Variants in CASZ1 observed in about 807,000 individuals in gnomAD.
The protein encoded by CASZ1 is castor zinc finger 1.
A neutral mutation model predicts 135.2 loss-of-function variants in CASZ1; 28 were observed. That is an observed-to-expected ratio of 0.21 (90% CI 0.15 to 0.28). The LOEUF (loss-of-function observed/expected upper bound fraction) is 0.28. Ranked by LOEUF, CASZ1 falls within the 10% of genes least tolerant of loss-of-function variation. The probability of loss-of-function intolerance (pLI) is 1.00; values close to 1 mark genes in which losing one functional copy is unlikely to be tolerated. For missense variants in CASZ1, 2,161 were observed against 2,453.3 expected, an observed-to-expected ratio of 0.88 and a Z score of 2.52; for synonymous variants, 1,068 against 1,073.4, an observed-to-expected ratio of 0.99 and a Z score of 0.10.
At chr1:10,654,277 C>G in intron 10 of CASZ1, 59 bp from the exon 11 acceptor site, 1 of 1,593,952 alleles carries the variant, frequency 6.3e-7, no homozygotes, top group South Asian at 1.1e-5. Context: ...CCTGCTACAC[C>G]ATGGCCCTGG....
At chr1:10,731,731 G>A (rs1208457620) in intron 2 of CASZ1, among the ~76,000 whole-genome samples, 1 of 152,108 alleles carries the variant, frequency 6.6e-6, no homozygotes, top group African/African-American at 2.4e-5. Flanking sequence ...GTCTGCAAAG[G>A]CCCTTGAGAT....
intron 2 of CASZ1, among the ~76,000 whole-genome samples, chr1:10,734,458 A>G (rs78892809): frequency 7.6e-4 from 115 of 152,300 alleles, no homozygotes; most frequent in African/African-American, 2.6e-3. Flanking sequence ...AATAGACTCA[A>G]CAATAAATGG....
intron 4 of CASZ1, among the ~76,000 whole-genome samples, chr1:10,688,144 TG>T (rs538043236): frequency 3.9e-5 from 6 of 152,260 alleles, no homozygotes; most frequent in African/African-American, 1.4e-4. Context: ...GGAGCAGCCG[TG>T]GCAGAGGAAA....
chr1:10,742,086 A>C (rs1639935184), intron 2 of CASZ1, among the ~76,000 whole-genome samples: 1 of 152,158 alleles, frequency 6.6e-6, no homozygotes, highest in Non-Finnish European at 1.5e-5. Flanking sequence ...GCTGCAAGTC[A>C]ATACCTCACC....
intron 20 of CASZ1, 73 bp from the exon 21 acceptor site, chr1:10,640,132 G>T: frequency 6.5e-7 from 1 of 1,527,066 alleles, no homozygotes; most frequent in Non-Finnish European, 8.8e-7. Context: ...ACACCCACAT[G>T]GGACCCCTGA....
Position 10,642,860 on chromosome 1 carries a change from T to G in CASZ1, c.4161A>C (p.Ala1387=). The G allele has an allele frequency of 6.2e-7, 1 of 1,612,298 alleles. No homozygotes were observed. Among genetic ancestry groups the G allele is most frequent in the Non-Finnish European group, 8.5e-7 (1 of 1,179,582 alleles). Reference sequence around the variant, plus strand: ...CAGCAGCCCCTGCCTGCCGCTCACCTGCCGCGGTGCTCTCGTTACCCACGG... The same window carrying G: ...CAGCAGCCCCTGCCTGCCGCTCACCGGCCGCGGTGCTCTCGTTACCCACGG... The part of the protein sequence containing the change: ...STPVGNESTA[A]GNTISMPTAS... The change falls in exon 20 of 21, where the codon GCA becomes GCC. Residue 1387 remains alanine (A), a splice_region_variant and synonymous_variant. Transcript: ENST00000377022.
intron 1 of CASZ1, among the ~76,000 whole-genome samples, chr1:10,775,200 G>A (rs1207791122): frequency 6.6e-6 from 1 of 152,120 alleles, no homozygotes; most frequent in Non-Finnish European, 1.5e-5. Context: ...GGCCATTGCT[G>A]CCGATAATTT....
chr1:10,669,452 T>C (rs943081069), intron 4 of CASZ1, among the ~76,000 whole-genome samples: 2 of 152,230 alleles, frequency 1.3e-5, no homozygotes, highest in Non-Finnish European at 2.9e-5. Context: ...TTTATAAATA[T>C]TCAAATCAGC....
At chr1:10,744,118 G>T (rs539575930) in intron 2 of CASZ1, among the ~76,000 whole-genome samples, 7 of 146,194 alleles carry the variant, frequency 4.8e-5, no homozygotes, top group Admixed American at 6.8e-5. Context: ...CTCCCACCCC[G>T]ACCCTGCCCC....
rs1302364859 is a variant in CASZ1, at chr1:10,676,489, C to T, written c.17-10918G>A. Among the ~76,000 whole-genome samples, 4 of 152,162 alleles carry T rather than the reference C, an allele frequency of 2.6e-5. No individual in the cohort carries two copies. Among genetic ancestry groups the T allele is most frequent in the African/African-American group, 9.7e-5 (4 of 41,436 alleles). ...CCAGGACAAAGAAGACACCAAGAGC[C>T]CCCGGGGAGGCCTCTCCACCATCCT... On this transcript the variant is annotated intron_variant, in intron 4 of 20. Transcript: ENST00000377022. This position sits in a 1 kb window ranked among gnomAD's most constrained non-coding sequence, Gnocchi z 4.5.
At position 10,727,503 on chromosome 1, in the gene CASZ1, C is replaced by T. The variant is rs1000065352; in HGVS notation, c.-76-21959G>A. Among the ~76,000 whole-genome samples the T allele has an allele frequency of 2.6e-5, 4 of 152,154 alleles. No homozygotes were observed. Among genetic ancestry groups the T allele is most frequent in the African/African-American group, 9.7e-5 (4 of 41,442 alleles). ...GCCCAACAGTGCCCCAGTGCCCACCCTCTGAAAGTTGGGAAGCTTTTACGG... is the reference window on the plus strand; with the variant it reads ...GCCCAACAGTGCCCCAGTGCCCACCTTCTGAAAGTTGGGAAGCTTTTACGG... On this transcript the variant is annotated intron_variant, in intron 2 of 20. Transcript: ENST00000377022. The surrounding 1 kb of genome is among the most constrained non-coding windows in gnomAD (Gnocchi z 5.3).
At chr1:10,765,475 A>G (rs1319557657) in intron 1 of CASZ1, among the ~76,000 whole-genome samples, 2 of 151,956 alleles carry the variant, frequency 1.3e-5, no homozygotes, top group African/African-American at 4.8e-5. Flanking sequence ...TTTTCGCTGC[A>G]TTTTTCATCT....
rs1433991237 is a variant in CASZ1, at chr1:10,638,459, C to T, written c.*483G>A. 2 of 152,168 alleles carry T rather than the reference C, an allele frequency of 1.3e-5. No individual in the cohort carries two copies. Among genetic ancestry groups the T allele is most frequent in the African/African-American group, 4.8e-5 (2 of 41,438 alleles). The allele number at this position is 152,168 out of a possible 1,614,324, so 9.4% of individuals were successfully genotyped here. A position where few individuals can be genotyped will look rare whatever the true frequency, so the allele number is the denominator to read the frequency against. ...CTGTAGTGTCACCCGTGCTGACTGC[C>T]TTCTGCCCGTCTCCCCCTGGGCAGG... is the stretch of plus-strand genomic sequence containing the variant. On this transcript the variant is annotated 3_prime_UTR_variant, in exon 21 of 21. Transcript: ENST00000377022. This position sits in a 1 kb window ranked among gnomAD's most constrained non-coding sequence, Gnocchi z 5.9.
chr1:10,681,639 C>T (rs1306683016), intron 4 of CASZ1, among the ~76,000 whole-genome samples: 1 of 152,244 alleles, frequency 6.6e-6, no homozygotes, highest in Non-Finnish European at 1.5e-5. Context: ...CTGCAAGATC[C>T]CTGGGACGAG....
intron 9 of CASZ1, among the ~76,000 whole-genome samples, chr1:10,655,337 T>G (rs1642750683): frequency 6.6e-6 from 1 of 152,228 alleles, no homozygotes; most frequent in South Asian, 2.1e-4. Flanking sequence ...CAGGAATCAT[T>G]TGCAATGCTG....
In CASZ1 at chr1:10,717,106, G is replaced by T. The variant is rs983739902; in HGVS notation, c.-76-11562C>A. Among the ~76,000 whole-genome samples, 11 of 152,216 alleles carry T rather than the reference G, an allele frequency of 7.2e-5. No individual in the cohort carries two copies. The highest frequency in any genetic ancestry group is 2.7e-4 in the African/African-American group (11 of 41,448). ...CAGGAGCAGGAGGGACAGACGGCCA[G>T]CGAGGACACTGGGGAGGGCGTGTCT... On this transcript the variant is annotated intron_variant, in intron 2 of 20. Transcript: ENST00000377022. The surrounding 1 kb of genome is among the most constrained non-coding windows in gnomAD (Gnocchi z 4.6).
rs987725969 is a variant in CASZ1 at position 10,643,272 on chromosome 1, A to C, written c.3908T>G (p.Ile1303Ser). 6.2e-7 allele frequency: 1 copy of C among 1,613,080 alleles called. No individual in the cohort carries two copies. The highest frequency in any genetic ancestry group is 8.5e-7 in the Non-Finnish European group (1 of 1,179,998). ...YNQVNSHFHC[I>S]REGCQFSFLL... is the part of the protein sequence containing the mutation. Reference sequence around the variant, plus strand: ...GAAGGAGAACTGGCAGCCCTCCCGGATGCAGTGGAAGTGGCTGTTCACCTG... The same window carrying C: ...GAAGGAGAACTGGCAGCCCTCCCGGCTGCAGTGGAAGTGGCTGTTCACCTG... Residue 1303 changes from isoleucine to serine, a missense_variant, in exon 19 of 21, where the codon ATC becomes AGC. This residue lies in a region of CASZ1 where 349 missense variants were observed against 460.8 expected (regional missense o/e 0.76). Coordinates refer to ENST00000377022, the MANE Select transcript of CASZ1 (RefSeq NM_001079843.3).
chr1:10,648,170 G>A (rs1475631447), intron 15 of CASZ1, 31 bp from the exon 16 acceptor site: 23 of 1,451,982 alleles, frequency 1.6e-5, no homozygotes, highest in Middle Eastern at 1.8e-4. Flanking sequence ...GGTCTCATGG[G>A]GGGCAGTGAA....
At chr1:10,651,923 C>G (rs899209633) in intron 11 of CASZ1, 3 of 152,222 alleles carry the variant, frequency 2.0e-5, no homozygotes, top group African/African-American at 7.2e-5. Context: ...GTCTGGCCAC[C>G]GAGCCCACGT....
Sources: gnomAD v4.1 joint callset for allele counts (sites outside exome capture counted in the v4.1 genomes callset) on GRCh38, gnomAD v4.1.1 for gene constraint, gnomAD v4.1.1 regional missense constraint, Gnocchi (gnomAD v3.1) non-coding constraint, MANE v1.5 for transcripts, NCBI Gene and HGNC (gene_info 2026-07-23, HGNC 2026-07-21) for gene names.